Variants in SGCZ observed in about 807,000 individuals in gnomAD.
SGCZ encodes zeta-sarcoglycan.
Under a neutral mutation model 41.3 loss-of-function variants are expected in SGCZ, and 40 were observed. The observed-to-expected ratio is 0.97, with a 90% CI of 0.75 to 1.26. The LOEUF (loss-of-function observed/expected upper bound fraction) is 1.26. SGCZ is among the 50% of genes most tolerant of loss of function. The probability of loss-of-function intolerance (pLI) is 0.00; values close to 1 mark genes in which losing one functional copy is unlikely to be tolerated. For missense variants in SGCZ, 552 were observed against 369.8 expected, an observed-to-expected ratio of 1.49 and a Z score of -4.04; for synonymous variants, 206 against 137.5, an observed-to-expected ratio of 1.50 and a Z score of -3.49.
chr8:14,509,836 G>A (rs956163747), intron 2 of SGCZ, among the ~76,000 whole-genome samples: 1 of 152,116 alleles, frequency 6.6e-6, no homozygotes, highest in South Asian at 2.1e-4. Context: ...GCAGGAGAGA[G>A]AAGAGGGGCA....
chr8:14,654,646 A>G (rs1807503163), intron 1 of SGCZ, among the ~76,000 whole-genome samples: 1 of 151,896 alleles, frequency 6.6e-6, no homozygotes. Flanking sequence ...ATCTCGGCTC[A>G]CTGAAACTAC....
intron 1 of SGCZ, among the ~76,000 whole-genome samples, chr8:14,927,099 ATTCT>A (rs201894086): frequency 0.022 from 2,879 of 129,394 alleles, 130 homozygotes; most frequent in African/African-American, 0.079. Context: ...AAAGTTCCTG[ATTCT>A]TTTTTTTTTT....
intron 1 of SGCZ, among the ~76,000 whole-genome samples, chr8:14,942,180 C>G (rs1421832695): frequency 2.0e-5 from 3 of 151,994 alleles, no homozygotes; most frequent in South Asian, 2.1e-4. Context: ...GTATATAAAC[C>G]TAACTCAGTC....
chr8:14,972,100 A>G (rs1585424886), intron 1 of SGCZ, among the ~76,000 whole-genome samples: 1 of 151,960 alleles, frequency 6.6e-6, no homozygotes, highest in East Asian at 1.9e-4. Flanking sequence ...TGTTATGTAG[A>G]CTTTGGTATT....
At chr8:14,391,140 G>T (rs1804755763) in intron 2 of SGCZ, among the ~76,000 whole-genome samples, 1 of 152,182 alleles carries the variant, frequency 6.6e-6, no homozygotes, top group East Asian at 1.9e-4. Context: ...AAGGCTCTAG[G>T]GGTGATCTGA....
intron 1 of SGCZ, among the ~76,000 whole-genome samples, chr8:14,706,846 G>C (rs11987712): frequency 1 from 151,736 of 152,170 alleles, 75,653 homozygotes; most frequent in Middle Eastern, 1. Context: ...CCAGCTGACG[G>C]TTAGTTTGAT....
intron 2 of SGCZ, among the ~76,000 whole-genome samples, chr8:14,385,130 G>C (rs1804526536): frequency 6.6e-6 from 1 of 152,048 alleles, no homozygotes; most frequent in African/African-American, 2.4e-5. Flanking sequence ...TGTATCGTTT[G>C]GTGATTTTCC....
chr8:14,229,197 G>C lies in SGCZ; in HGVS notation c.424+8395C>G, dbSNP rs879532771. Among the ~76,000 whole-genome samples the C allele has an allele frequency of 3.3e-4, 50 of 152,092 alleles. 1 individual carries two copies. Among genetic ancestry groups the C allele is most frequent in the Non-Finnish European group, 2.9e-5 (2 of 67,998 alleles). The stretch of plus-strand genomic sequence containing the variant: ...TCAATTTAATTAAATATTTCAGCCA[G>C]TCCATATTTCTGTTTGTAGGACACA... On this transcript the variant is annotated intron_variant, in intron 4 of 7. Coordinates refer to ENST00000382080, the MANE Select transcript of SGCZ (RefSeq NM_139167.4).
chr8:14,389,281 A>G (rs1804677141), intron 2 of SGCZ, among the ~76,000 whole-genome samples: 1 of 151,902 alleles, frequency 6.6e-6, no homozygotes, highest in Non-Finnish European at 1.5e-5. Context: ...AGAGTGTAGG[A>G]GAAAATAGAA....
intron 1 of SGCZ, among the ~76,000 whole-genome samples, chr8:15,182,655 G>A (rs1042535664): frequency 6.6e-6 from 1 of 152,134 alleles, no homozygotes; most frequent in South Asian, 2.1e-4. Context: ...GTGAGTCTCA[G>A]TGAGTGGTGA....
At chr8:14,436,618 G>C (rs1187720600) in intron 2 of SGCZ, among the ~76,000 whole-genome samples, 1 of 152,184 alleles carries the variant, frequency 6.6e-6, no homozygotes, top group Non-Finnish European at 1.5e-5. Context: ...CGTCCTAGTA[G>C]CCATTACATT....
chr8:14,786,661 T>A (rs146232581), intron 1 of SGCZ, among the ~76,000 whole-genome samples: 127 of 152,140 alleles, frequency 8.3e-4, no homozygotes, highest in African/African-American at 2.9e-3. Context: ...TAAACAAATA[T>A]ATAAACAAAC....
intron 4 of SGCZ, among the ~76,000 whole-genome samples, chr8:14,225,029 T>C (rs981629340): frequency 6.6e-6 from 1 of 152,108 alleles, no homozygotes; most frequent in Admixed American, 6.6e-5. Flanking sequence ...CATATCTTCT[T>C]TTTACATTCT....
intron 1 of SGCZ, among the ~76,000 whole-genome samples, chr8:15,039,891 C>T (rs1804019918): frequency 6.6e-6 from 1 of 152,174 alleles, no homozygotes; most frequent in Non-Finnish European, 1.5e-5. Context: ...TTCATTTACA[C>T]TACTAAGTTC....
intron 1 of SGCZ, among the ~76,000 whole-genome samples, chr8:15,165,360 G>A (rs187611332): frequency 1.1e-4 from 17 of 152,066 alleles, no homozygotes; most frequent in East Asian, 5.8e-4. Context: ...TTCAGTTCAC[G>A]TGACTTTAAC....
intron 2 of SGCZ, among the ~76,000 whole-genome samples, chr8:14,515,263 T>C (rs1342441590): frequency 6.6e-6 from 1 of 152,050 alleles, no homozygotes; most frequent in East Asian, 1.9e-4. Flanking sequence ...CTCACTGACT[T>C]ATTTAAGTTT....
chr8:14,309,224 G>A (rs1801445912), intron 3 of SGCZ: 11 of 1,509,188 alleles, frequency 7.3e-6, no homozygotes, highest in East Asian at 2.3e-5. Flanking sequence ...GTTTGATACT[G>A]TTGAAGACTT....
At chr8:15,128,640 T>A (rs573464352) in intron 1 of SGCZ, among the ~76,000 whole-genome samples, 1 of 152,264 alleles carries the variant, frequency 6.6e-6, no homozygotes, top group African/African-American at 2.4e-5. Context: ...TATAAGTTAA[T>A]AAATCCTCCC....
intron 1 of SGCZ, among the ~76,000 whole-genome samples, chr8:14,642,589 G>C (rs898824603): frequency 4.0e-5 from 6 of 151,274 alleles, no homozygotes; most frequent in Non-Finnish European, 7.4e-5. Context: ...AACTCTACAG[G>C]GCAAATATTT....
Sources: allele counts gnomAD v4.1 joint callset (sites outside exome capture counted in the v4.1 genomes callset), GRCh38; gene constraint gnomAD v4.1.1; transcripts MANE v1.5; gene names NCBI Gene and HGNC (gene_info 2026-07-23, HGNC 2026-07-21).